NRXN3: variants seen among roughly 807,000 people sequenced by gnomAD.
The protein encoded by NRXN3 is neurexin III.
Under a neutral mutation model 137.6 loss-of-function variants are expected in NRXN3, and 32 were observed. The ratio of observed to expected loss-of-function variants is 0.23; its 90% CI spans 0.18 to 0.31. The LOEUF (loss-of-function observed/expected upper bound fraction) is 0.31. NRXN3 is among the 10% of genes least tolerant of loss of function. The probability of loss-of-function intolerance (pLI) is 1.00; values close to 1 mark genes in which losing one functional copy is unlikely to be tolerated. For missense variants in NRXN3, 1,574 were observed against 2,062.5 expected, an observed-to-expected ratio of 0.76 and a Z score of 4.59; for synonymous variants, 798 against 784.5, an observed-to-expected ratio of 1.02 and a Z score of -0.29.
At chr14:78,548,964 T>C (rs1017806667) in intron 4 of NRXN3, among the ~76,000 whole-genome samples, 2 of 152,210 alleles carry the variant, frequency 1.3e-5, no homozygotes, top group African/African-American at 4.8e-5. Context: ...TGCATCCCTG[T>C]GACATCTGCC....
At chr14:78,251,048 A>G (rs2068541938) in intron 2 of NRXN3, among the ~76,000 whole-genome samples, 1 of 152,172 alleles carries the variant, frequency 6.6e-6, no homozygotes, top group Non-Finnish European at 1.5e-5. Context: ...CTCTGGTTTT[A>G]GTGAAGTGAC....
intron 20 of NRXN3, among the ~76,000 whole-genome samples, chr14:79,857,625 G>A (rs1335413921): frequency 1.3e-5 from 2 of 151,952 alleles, no homozygotes; most frequent in African/African-American, 4.8e-5. Flanking sequence ...ATTATCATCT[G>A]CAATCTTAAA....
At chr14:78,553,502 C>G (rs1403969684) in intron 4 of NRXN3, among the ~76,000 whole-genome samples, 1 of 152,176 alleles carries the variant, frequency 6.6e-6, no homozygotes, top group Non-Finnish European at 1.5e-5. Context: ...GCCAATGGGG[C>G]ACTCTAGCCC....
intron 10 of NRXN3, among the ~76,000 whole-genome samples, chr14:78,943,612 A>T (rs2099357471): frequency 3.8e-5 from 1 of 26,306 alleles, no homozygotes; most frequent in Non-Finnish European, 6.4e-5. Flanking sequence ...ATCACTGTTA[A>T]AAAAAAAAAA....
chr14:79,634,027 G>C (rs1353741799), intron 16 of NRXN3, among the ~76,000 whole-genome samples: 1 of 152,012 alleles, frequency 6.6e-6, no homozygotes, highest in Non-Finnish European at 1.5e-5. Flanking sequence ...AAAAATCTTA[G>C]GCTGTCCCTA....
At chr14:79,518,582 A>G (rs926732365) in intron 16 of NRXN3, among the ~76,000 whole-genome samples, 2 of 152,096 alleles carry the variant, frequency 1.3e-5, no homozygotes, top group African/African-American at 2.4e-5. Context: ...TCCTTACAGA[A>G]TCTTCTTGTT....
intron 19 of NRXN3, among the ~76,000 whole-genome samples, chr14:79,766,201 G>T (rs140073290): frequency 2.2e-4 from 34 of 152,066 alleles, no homozygotes; most frequent in Non-Finnish European, 4.3e-4. Flanking sequence ...ATTTTGTTTA[G>T]ATAAAAGGTT....
At chr14:78,900,429 C>G (rs2099192063) in intron 10 of NRXN3, among the ~76,000 whole-genome samples, 1 of 149,236 alleles carries the variant, frequency 6.7e-6, no homozygotes, top group Non-Finnish European at 1.5e-5. Flanking sequence ...GCAGCAACCT[C>G]CTTCATTTTT....
chr14:79,410,193 ACACACACACG>A (rs1475332195), intron 15 of NRXN3, among the ~76,000 whole-genome samples: 1 of 151,894 alleles, frequency 6.6e-6, no homozygotes, highest in African/African-American at 2.4e-5. Flanking sequence ...TATTTGAGAC[ACACACACACG>A]CACACACACA....
At chr14:78,276,691 T>C (rs1187516423) in intron 2 of NRXN3, among the ~76,000 whole-genome samples, 3 of 152,174 alleles carry the variant, frequency 2.0e-5, no homozygotes, top group African/African-American at 4.8e-5. Context: ...AAATTTAAGA[T>C]TGTAATCACA....
intron 1 of NRXN3, among the ~76,000 whole-genome samples, chr14:78,172,652 A>AG (rs887488106): frequency 8.6e-5 from 13 of 151,982 alleles, no homozygotes; most frequent in Non-Finnish European, 1.9e-4. Context: ...TCCTTCTGGA[A>AG]GGGGGGGAAA....
At chr14:79,240,318 A>G (rs960780936) in intron 15 of NRXN3, among the ~76,000 whole-genome samples, 3 of 152,032 alleles carry the variant, frequency 2.0e-5, no homozygotes, top group Non-Finnish European at 4.4e-5. Flanking sequence ...CCCCCACCCC[A>G]GCAACCATGC....
intron 6 of NRXN3, among the ~76,000 whole-genome samples, chr14:78,694,051 C>T (rs2098200659): frequency 6.6e-6 from 1 of 151,980 alleles, no homozygotes; most frequent in Non-Finnish European, 1.5e-5. Context: ...TATCAGGTCT[C>T]ACCTTAGTAC....
At chr14:79,545,667 G>T (rs948075685) in intron 16 of NRXN3, among the ~76,000 whole-genome samples, 2 of 145,748 alleles carry the variant, frequency 1.4e-5, no homozygotes, top group Non-Finnish European at 3.0e-5. Flanking sequence ...CGGAGGGCTT[G>T]TTTTTTTTTT....
chr14:78,617,846 T>G lies in NRXN3; in HGVS notation c.758-27274T>G, dbSNP rs78075215. Among the ~76,000 whole-genome samples, 161 of 151,546 alleles carry G rather than the reference T, an allele frequency of 1.1e-3. 2 individuals are homozygous for G. In the East Asian group the frequency reaches 0.03, roughly 29 times the overall value. ...ATAAAGTTATATCTATATCTGTCTA[T>G]CTATCATCTATTCTCTAGTTTCTAT... On this transcript the variant is annotated intron_variant, in intron 4 of 20. Transcript: ENST00000335750.
chr14:78,500,004 T>C (rs2095853755), intron 4 of NRXN3, among the ~76,000 whole-genome samples: 2 of 152,112 alleles, frequency 1.3e-5, no homozygotes, highest in Admixed American at 6.6e-5. Context: ...ACGCAAACTC[T>C]AAAGGAAGGG....
chr14:78,419,986 C>CACACACACACACACACACA (rs10676901), intron 4 of NRXN3, among the ~76,000 whole-genome samples: 5 of 150,118 alleles, frequency 3.3e-5, no homozygotes, highest in African/African-American at 9.8e-5. Context: ...CACACACACA[C>CACACACACACACACACACA]GTAAAGTCCT....
At chr14:78,304,257 C>T (rs1485848237) in intron 4 of NRXN3, among the ~76,000 whole-genome samples, 1 of 152,168 alleles carries the variant, frequency 6.6e-6, no homozygotes, top group Non-Finnish European at 1.5e-5. Flanking sequence ...TTATAGATTA[C>T]ACCAGAATAA....
At chr14:78,529,662 A>G (rs2096432880) in intron 4 of NRXN3, among the ~76,000 whole-genome samples, 1 of 152,090 alleles carries the variant, frequency 6.6e-6, no homozygotes, top group African/African-American at 2.4e-5. Flanking sequence ...CTATTTCTGT[A>G]GCTCTGGGTC....
Sources: allele counts gnomAD v4.1 joint callset (sites outside exome capture counted in the v4.1 genomes callset), GRCh38; gene constraint gnomAD v4.1.1; transcripts MANE v1.5; gene names NCBI Gene and HGNC (gene_info 2026-07-23, HGNC 2026-07-21).